The following PTPRQ variants were observed in gnomAD, a reference collection of about 807,000 sequenced individuals.
PTPRQ encodes the protein phosphatidylinositol phosphatase PTPRQ.
A neutral mutation model predicts 246.0 loss-of-function variants in PTPRQ; 199 were observed. The observed-to-expected ratio is 0.81, with a 90% CI of 0.72 to 0.91. The LOEUF (loss-of-function observed/expected upper bound fraction) is 0.91, where lower values mean the gene tolerates loss of function less well. Ranked by LOEUF, PTPRQ falls within the 40% of genes least tolerant of loss-of-function variation. The pLI, the probability that PTPRQ is intolerant of heterozygous loss-of-function variation, is 0.00. For synonymous variants in PTPRQ, 869 were observed against 853.2 expected, an observed-to-expected ratio of 1.02 and a Z score of -0.32; for missense variants, 2,624 against 2,528.4, an observed-to-expected ratio of 1.04 and a Z score of -0.81.
Position 80,445,490 on chromosome 12 carries a change from G to A in PTPRQ, c.164-1G>A. The A allele has an allele frequency of 1.3e-6, 2 of 1,516,254 alleles. No homozygotes were observed. Among genetic ancestry groups the A allele is most frequent in the Admixed American group, 2.2e-5 (1 of 45,218 alleles). 93.9% of individuals were successfully genotyped at this position (1,516,254 alleles called of 1,614,324 possible). On this transcript the variant is annotated splice_acceptor_variant, in intron 2 of 44. Transcript: ENST00000644991. LOFTEE classifies it high-confidence loss of function. ...TAACAAAATGGATTTTTTAAAAATA[G>A]AACCAGGGCCTCCAGTCTTCCTAGC... is the stretch of plus-strand genomic sequence containing the variant.
At chr12:80,545,479 T>A (rs186619860) in intron 23 of PTPRQ, among the ~76,000 whole-genome samples, 2 of 152,212 alleles carry the variant, frequency 1.3e-5, no homozygotes, top group East Asian at 3.9e-4. Context: ...TACATTTATA[T>A]CACATAGGAG....
At chr12:80,488,739 A>G (rs1894358007) in intron 9 of PTPRQ, among the ~76,000 whole-genome samples, 2 of 152,034 alleles carry the variant, frequency 1.3e-5, no homozygotes, top group South Asian at 4.1e-4. Context: ...TATGCTAGGC[A>G]TGATTTGATC....
chr12:80,472,276 A>G (rs774632983), intron 8 of PTPRQ, 25 bp downstream of exon 8: 2 of 1,549,356 alleles, frequency 1.3e-6, no homozygotes, highest in Non-Finnish European at 1.7e-6. Context: ...AATGAGTGAG[A>G]TATTTTTGGT....
chr12:80,547,323 C>G (rs1283339536), intron 24 of PTPRQ, among the ~76,000 whole-genome samples: 1 of 151,958 alleles, frequency 6.6e-6, no homozygotes, highest in African/African-American at 2.4e-5. Flanking sequence ...TGTACTTTTC[C>G]TTTTCTCAAC....
intron 25 of PTPRQ, among the ~76,000 whole-genome samples, chr12:80,585,934 C>A (rs1210921409): frequency 7.3e-6 from 1 of 136,864 alleles, no homozygotes; most frequent in Non-Finnish European, 1.5e-5. Context: ...CTTCCTGTGT[C>A]CATGTGATCT....
At chr12:80,580,581 G>A (rs1368121893) in intron 25 of PTPRQ, among the ~76,000 whole-genome samples, 2 of 152,174 alleles carry the variant, frequency 1.3e-5, no homozygotes, top group Non-Finnish European at 2.9e-5. Flanking sequence ...GGATATAAAT[G>A]AGGGTTACTG....
chr12:80,478,782 G>C (rs1001982245), intron 8 of PTPRQ, among the ~76,000 whole-genome samples: 1 of 152,182 alleles, frequency 6.6e-6, no homozygotes. Flanking sequence ...ATCAGCAATG[G>C]AAGATGAAGT....
In PTPRQ at chr12:80,615,810, G is replaced by C. The variant is rs543043782; in HGVS notation, c.5164-390G>C. On this transcript the variant is annotated intron_variant, in intron 29 of 44. Coordinates refer to ENST00000644991, the MANE Select transcript of PTPRQ (RefSeq NM_001145026.2). ...GGAACAGATGTTAGAGTAGATGAAG[G>C]GAGAGCGTAGATACAGTGGCTGTAG... Among the ~76,000 whole-genome samples the C allele has an allele frequency of 1.5e-4, 22 of 150,978 alleles. No homozygotes were observed. The East Asian group carries it at 4.3e-3, about 30-fold the overall frequency.
chr12:80,547,028 C>A (rs761560417), intron 24 of PTPRQ: 1 of 186,606 alleles, frequency 5.4e-6, no homozygotes. Flanking sequence ...GGGAAATGAA[C>A]TAGCAGTCAC....
In PTPRQ at chr12:80,606,713, GTCA is replaced by G. The variant is rs140094011; in HGVS notation, c.4731+1538_4731+1540del. Among the ~76,000 whole-genome samples, 5 of 150,854 alleles carry G rather than the reference GTCA, an allele frequency of 3.3e-5. No individual in the cohort carries two copies. The East Asian group carries it at 9.8e-4, about 29-fold the overall frequency. ...ATAATGCTTCTATCTCAAAAGACCT[GTCA>G]TCATTAAAATAAAATTGAAAGAATT... On this transcript the variant is annotated intron_variant, in intron 27 of 44. Transcript: ENST00000644991.
chr12:80,658,562 G>T (rs969299025), intron 39 of PTPRQ, among the ~76,000 whole-genome samples: 1 of 151,984 alleles, frequency 6.6e-6, no homozygotes, highest in Non-Finnish European at 1.5e-5. Flanking sequence ...GAATCTTAAA[G>T]AAGGAAGTGC....
intron 17 of PTPRQ, among the ~76,000 whole-genome samples, chr12:80,523,069 A>T (rs935299630): frequency 6.6e-6 from 1 of 152,008 alleles, no homozygotes; most frequent in African/African-American, 2.4e-5. Context: ...CAGAGATTCA[A>T]CTTCTTCCTG....
intron 10 of PTPRQ, 68 bp downstream of exon 10, chr12:80,493,523 C>A: frequency 6.9e-7 from 1 of 1,453,672 alleles, no homozygotes; most frequent in South Asian, 1.5e-5. Context: ...CAGAAATGAA[C>A]CTAAGCTTAG....
chr12:80,533,630 A>G (rs189583851), intron 17 of PTPRQ, among the ~76,000 whole-genome samples: 20 of 152,166 alleles, frequency 1.3e-4, no homozygotes, highest in Non-Finnish European at 2.5e-4. Context: ...TTATAAATTA[A>G]TAGTTTAAAT....
chr12:80,520,376 A>G (rs1895438457), intron 17 of PTPRQ, among the ~76,000 whole-genome samples: 3 of 152,216 alleles, frequency 2.0e-5, no homozygotes, highest in East Asian at 3.9e-4. Flanking sequence ...TTTTAAAATT[A>G]TACTTTAAGT....
chr12:80,503,649 A>T (rs1481907485), intron 14 of PTPRQ, among the ~76,000 whole-genome samples: 2 of 151,794 alleles, frequency 1.3e-5, no homozygotes, highest in African/African-American at 4.8e-5. Flanking sequence ...TTACCTATTT[A>T]GTTTATATTG....
At chr12:80,467,487 C>A (rs1408381822) in intron 6 of PTPRQ, among the ~76,000 whole-genome samples, 2 of 150,984 alleles carry the variant, frequency 1.3e-5, no homozygotes, top group Non-Finnish European at 3.0e-5. Flanking sequence ...TACCATTTGA[C>A]CCAGCCATCC....
intron 26 of PTPRQ, among the ~76,000 whole-genome samples, chr12:80,602,109 T>C (rs1237836093): frequency 6.6e-6 from 1 of 151,724 alleles, no homozygotes; most frequent in East Asian, 1.9e-4. Context: ...GGTGTCAATG[T>C]TCAGATTATT....
rs1466597011 is a variant in PTPRQ at position 80,679,221 on chromosome 12, A to T, written c.*198A>T. Reference sequence around the variant, plus strand: ...TACAGAATAATTATTTGTTTTGTACAGAATAAATATTATGCATTTTAAATG... The same window carrying T: ...TACAGAATAATTATTTGTTTTGTACTGAATAAATATTATGCATTTTAAATG... On this transcript the variant is annotated 3_prime_UTR_variant, in exon 45 of 45. Coordinates refer to ENST00000644991, the MANE Select transcript of PTPRQ (RefSeq NM_001145026.2). 1.9e-6 allele frequency: 1 copy of T among 525,784 alleles called. No homozygotes were observed. Among genetic ancestry groups the T allele is most frequent in the African/African-American group, 2.0e-5 (1 of 50,782 alleles). 32.6% of individuals were successfully genotyped at this position (525,784 alleles called of 1,614,324 possible). A position where few individuals can be genotyped will look rare whatever the true frequency, so the allele number is the denominator to read the frequency against.
Sources: gnomAD v4.1 joint callset for allele counts (sites outside exome capture counted in the v4.1 genomes callset) on GRCh38, gnomAD v4.1.1 for gene constraint, MANE v1.5 for transcripts, NCBI Gene and HGNC (gene_info 2026-07-23, HGNC 2026-07-21) for gene names.